The following PCDH7 variants were observed in gnomAD, a reference collection of about 807,000 sequenced individuals.
The protein encoded by PCDH7 is protocadherin-7.
PCDH7 carries 17 observed loss-of-function variants against 58.9 expected under a neutral mutation model. That is an observed-to-expected ratio of 0.29 (90% confidence interval 0.20 to 0.43). PCDH7 has a LOEUF of 0.43. PCDH7 is among the 20% of genes least tolerant of loss of function. PCDH7 has a pLI of 1.00. For synonymous variants in PCDH7, 664 were observed against 616.4 expected (o/e 1.08, Z -1.14); for missense variants, 1,274 against 1,441.0 (o/e 0.88, Z 1.88).
In PCDH7 at chr4:30,722,343, C is replaced by T. The variant is rs768158886; in HGVS notation, c.921C>T (p.Arg307=). The change falls in exon 1 of 2, where the codon CGC becomes CGT. Residue 307 remains arginine (R), a synonymous_variant. Coordinates refer to ENST00000361762, the Ensembl canonical transcript of PCDH7. The surrounding 1 kb of genome is among the most constrained non-coding windows in gnomAD (Gnocchi z 7.6). ...CCGACGTGAACGACAACAGCCCCCGCTTCGAGAAGAGCGTGTACGAGGCCG... is the reference window on the plus strand; with the variant it reads ...CCGACGTGAACGACAACAGCCCCCGTTTCGAGAAGAGCGTGTACGAGGCCG... The T allele has an allele frequency of 6.2e-7, 1 of 1,612,016 alleles. No individual in the cohort carries two copies. The highest frequency in any genetic ancestry group is 8.5e-7 in the Non-Finnish European group (1 of 1,179,702).
At chr4:30,917,031 A>G (rs1742565204) in intron 1 of PCDH7, among the ~76,000 whole-genome samples, 1 of 152,316 alleles carries the variant, frequency 6.6e-6, no homozygotes, top group South Asian at 2.1e-4. Flanking sequence ...AGTTACATAT[A>G]TAATGCAAAT....
In PCDH7 at chr4:30,888,709, G is replaced by A. The variant is rs190429226; in HGVS notation, c.71-31444G>A. Among the ~76,000 whole-genome samples, 493 of 152,220 alleles carry A rather than the reference G, an allele frequency of 3.2e-3. 1 individual carries two copies. The highest frequency in any genetic ancestry group is 5.1e-3 in the Non-Finnish European group (350 of 68,008). On this transcript the variant is annotated intron_variant, in intron 1 of 3. Transcript: ENST00000509759. ...ATGGATTGAATGAAGTGATATCTGA[G>A]ATTTGTTTCCCGGTAACTGGGAAGA...
chr4:30,822,007 C>G (rs1236961951), intron 1 of PCDH7, among the ~76,000 whole-genome samples: 1 of 152,082 alleles, frequency 6.6e-6, no homozygotes, highest in African/African-American at 2.4e-5. Context: ...GAGTTAAGCC[C>G]TGTCTCGTAG....
At chr4:30,894,006 C>T (rs1738954599) in intron 1 of PCDH7, among the ~76,000 whole-genome samples, 1 of 152,128 alleles carries the variant, frequency 6.6e-6, no homozygotes, top group African/African-American at 2.4e-5. Flanking sequence ...GGGTACCAGA[C>T]AGATACTGGA....
intron 2 of PCDH7, among the ~76,000 whole-genome samples, chr4:30,940,929 A>G (rs571947416): frequency 3.5e-4 from 53 of 152,078 alleles, no homozygotes; most frequent in Non-Finnish European, 6.2e-4. Flanking sequence ...GAGAATATAT[A>G]CATACATAAT....
At chr4:31,089,685 C>T (rs752941352) in intron 3 of PCDH7, among the ~76,000 whole-genome samples, 9 of 151,946 alleles carry the variant, frequency 5.9e-5, no homozygotes, top group Non-Finnish European at 1.2e-4. Flanking sequence ...ATTTCTAAAG[C>T]CATTTATAAA....
chr4:31,020,753 A>T (rs1248766520), intron 3 of PCDH7, among the ~76,000 whole-genome samples: 1 of 152,226 alleles, frequency 6.6e-6, no homozygotes, highest in Non-Finnish European at 1.5e-5. Flanking sequence ...ACTTTAATTC[A>T]AATGCAATCC....
At chr4:31,004,283 C>G (rs1054362785) in intron 3 of PCDH7, among the ~76,000 whole-genome samples, 1 of 152,034 alleles carries the variant, frequency 6.6e-6, no homozygotes, top group Non-Finnish European at 1.5e-5. Context: ...AACCGAGCCC[C>G]GGCCTGAAAA....
At chr4:30,989,438 C>T (rs972615604) in intron 3 of PCDH7, among the ~76,000 whole-genome samples, 1 of 152,182 alleles carries the variant, frequency 6.6e-6, no homozygotes, top group Admixed American at 6.5e-5. Context: ...AGTGTGCCTG[C>T]AGCGTGCATG....
At chr4:30,771,516 G>C (rs1199083977) in intron 1 of PCDH7, among the ~76,000 whole-genome samples, 1 of 152,142 alleles carries the variant, frequency 6.6e-6, no homozygotes, top group Admixed American at 6.5e-5. Flanking sequence ...GGTCAGTTCT[G>C]TTTCCTTGGC....
exon 2 of PCDH7, chr4:30,730,856 GGAGCCT>G: frequency 6.6e-7 from 1 of 1,521,556 alleles, no homozygotes; most frequent in Non-Finnish European, 8.8e-7. Context: ...GAAACCTGCT[GGAGCCT>G]GCCCTTGGCC....
exon 2 of PCDH7, chr4:30,731,046 A>C (rs1715419331): frequency 8.4e-7 from 1 of 1,189,332 alleles, no homozygotes; most frequent in African/African-American, 1.6e-5. Context: ...CCATTCTTAA[A>C]GAGGCGGTTA....
intron 3 of PCDH7, among the ~76,000 whole-genome samples, chr4:31,106,256 G>A (rs1301268875): frequency 6.6e-6 from 1 of 152,066 alleles, no homozygotes; most frequent in East Asian, 1.9e-4. Flanking sequence ...GCTAGGAAGA[G>A]GCTTTCTTGA....
rs112524366 is a variant in PCDH7 at position 30,946,690 on chromosome 4, T to TTGTGTGTGTGTGTGTGTGTG, written c.288-3411_288-3392dup. Among the ~76,000 whole-genome samples the TTGTGTGTGTGTGTGTGTGTG allele has an allele frequency of 4.9e-3, 678 of 137,600 alleles. 4 individuals carry two copies. The highest frequency in any genetic ancestry group is 0.011 in the Middle Eastern group (3 of 262). 90.3% of individuals were successfully genotyped at this position (137,600 alleles called of 152,430 possible). ...CTCAGTATTTAACGCCTTATCTCTTTTGTGTGTGTGTGTGTGTGTGTGTGT... is the reference window on the plus strand; with the variant it reads ...CTCAGTATTTAACGCCTTATCTCTTTTGTGTGTGTGTGTGTGTGTGTGTGTGTGTGTGTGTGTGTGTGTGT... On this transcript the variant is annotated intron_variant, in intron 2 of 3. Coordinates refer to the PCDH7 transcript ENST00000509759.
intron 3 of PCDH7, among the ~76,000 whole-genome samples, chr4:31,069,769 T>C (rs927215178): frequency 6.6e-6 from 1 of 151,934 alleles, no homozygotes; most frequent in Non-Finnish European, 1.5e-5. Flanking sequence ...GTCATGGTTG[T>C]ACTTATGTTA....
intron 1 of PCDH7, among the ~76,000 whole-genome samples, chr4:30,914,793 G>A (rs1483870844): frequency 6.6e-6 from 1 of 152,054 alleles, no homozygotes; most frequent in East Asian, 1.9e-4. Context: ...GTTAGCAAGG[G>A]GCAGTTACTA....
chr4:30,999,591 A>G (rs1434495021), intron 3 of PCDH7, among the ~76,000 whole-genome samples: 1 of 152,144 alleles, frequency 6.6e-6, no homozygotes, highest in African/African-American at 2.4e-5. Context: ...ATAGTTACTA[A>G]GGGAGTGCAG....
At chr4:30,888,082 G>A (rs1578177145) in intron 1 of PCDH7, among the ~76,000 whole-genome samples, 1 of 152,010 alleles carries the variant, frequency 6.6e-6, no homozygotes, top group Admixed American at 6.6e-5. Context: ...CACCATGTTG[G>A]TCAGTCTGGT....
At chr4:30,881,278 G>A (rs1435085356) in intron 1 of PCDH7, among the ~76,000 whole-genome samples, 1 of 151,940 alleles carries the variant, frequency 6.6e-6, no homozygotes, top group East Asian at 1.9e-4. Context: ...CTTGAACCCA[G>A]GAGGCTGCAG....
Sources: allele counts gnomAD v4.1 joint callset (sites outside exome capture counted in the v4.1 genomes callset), GRCh38; gene constraint gnomAD v4.1.1; non-coding constraint Gnocchi (gnomAD v3.1); transcripts MANE v1.5; gene names NCBI Gene and HGNC (gene_info 2026-07-23, HGNC 2026-07-21).